Variants in CRISPLD2 observed in about 807,000 individuals in gnomAD.
The protein encoded by CRISPLD2 is cysteine rich secretory protein LCCL domain containing 2.
CRISPLD2 carries 47 observed loss-of-function variants against 71.1 expected under a neutral mutation model. The observed-to-expected ratio is 0.66, with a 90% confidence interval of 0.52 to 0.84. The LOEUF (loss-of-function observed/expected upper bound fraction) is 0.84, where lower values mean the gene tolerates loss of function less well. CRISPLD2 is among the 40% of genes least tolerant of loss of function. The pLI, the probability that CRISPLD2 is intolerant of heterozygous loss-of-function variation, is 0.00. For missense variants in CRISPLD2, 830 were observed against 651.1 expected (o/e 1.27, Z -2.99); for synonymous variants, 317 against 250.1 (o/e 1.27, Z -2.52).
intron 1 of CRISPLD2, among the ~76,000 whole-genome samples, chr16:84,830,136 A>G (rs1369162277): frequency 6.6e-6 from 1 of 152,052 alleles, no homozygotes; most frequent in Non-Finnish European, 1.5e-5. Context: ...TGGCCTGGGC[A>G]ACATAGTGAA....
chr16:84,869,379 T>C (rs1312594135), intron 8 of CRISPLD2, among the ~76,000 whole-genome samples: 1 of 152,236 alleles, frequency 6.6e-6, no homozygotes, highest in Non-Finnish European at 1.5e-5. Flanking sequence ...GAGGGGACCT[T>C]GCTCGTCTTC....
At chr16:84,883,263 T>C (rs1028307263) in intron 13 of CRISPLD2, among the ~76,000 whole-genome samples, 12 of 152,160 alleles carry the variant, frequency 7.9e-5, no homozygotes, top group African/African-American at 2.9e-4. Flanking sequence ...AATGTCTATT[T>C]AGCTAAGAGA....
chr16:84,884,241 C>T (rs567851509), intron 13 of CRISPLD2, among the ~76,000 whole-genome samples: 1 of 152,234 alleles, frequency 6.6e-6, no homozygotes, highest in Non-Finnish European at 1.5e-5. Context: ...AGTCCCGCCT[C>T]TGATCTTTAT....
chr16:84,852,160 C>T (rs973174063), intron 5 of CRISPLD2, among the ~76,000 whole-genome samples: 1 of 152,242 alleles, frequency 6.6e-6, no homozygotes, highest in African/African-American at 2.4e-5. Flanking sequence ...GTCAGGACTT[C>T]ACCTGTTGAC....
At chr16:84,828,083 C>T (rs1206917595) in intron 1 of CRISPLD2, among the ~76,000 whole-genome samples, 1 of 152,190 alleles carries the variant, frequency 6.6e-6, no homozygotes, top group East Asian at 1.9e-4. Context: ...ATCCCAAGGA[C>T]TCCTGGGATT....
chr16:84,868,902 C>A lies in CRISPLD2; in HGVS notation c.905C>A (p.Thr302Lys). 1 of 1,606,768 alleles carries A rather than the reference C, an allele frequency of 6.2e-7. No individual in the cohort carries two copies. Among genetic ancestry groups the A allele is most frequent in the Non-Finnish European group, 8.5e-7 (1 of 1,176,890 alleles). Residue 302 changes from threonine (T) to lysine (K), a missense_variant, in exon 8 of 15, where the codon ACG becomes AAG. Transcript: ENST00000262424. ...ATGAAGGACAGGTGCAAAGGGTCCA[C>A]GTGTAACAGGTGAGCCTGTGCTGGG... ...TKMKDRCKGS[T>K]CNRYQCPAGC...
intron 11 of CRISPLD2, 94 bp downstream of exon 11, chr16:84,874,057 A>C: frequency 1.8e-6 from 2 of 1,142,588 alleles, no homozygotes; most frequent in Non-Finnish European, 2.6e-6. Context: ...TTTAATGTTT[A>C]TCATGCGTGT....
chr16:84,897,308 C>T (rs953497724), intron 14 of CRISPLD2, among the ~76,000 whole-genome samples: 13 of 143,838 alleles, frequency 9.0e-5, no homozygotes, highest in African/African-American at 2.0e-4. Context: ...AAAAAAAAGC[C>T]GGGCATGGTG....
intron 6 of CRISPLD2, among the ~76,000 whole-genome samples, chr16:84,862,082 C>T (rs1917399152): frequency 6.6e-6 from 1 of 152,166 alleles, no homozygotes; most frequent in South Asian, 2.1e-4. Flanking sequence ...TGTCCTTGCC[C>T]CCATTGGCCT....
intron 14 of CRISPLD2, among the ~76,000 whole-genome samples, chr16:84,905,328 T>TA (rs2071791709): frequency 6.6e-6 from 1 of 152,154 alleles, no homozygotes; most frequent in South Asian, 2.1e-4. Flanking sequence ...ATAAAATCTC[T>TA]AAAAACCATT....
At chr16:84,871,950 C>T (rs1365355872) in intron 8 of CRISPLD2, among the ~76,000 whole-genome samples, 1 of 150,140 alleles carries the variant, frequency 6.7e-6, no homozygotes, top group Non-Finnish European at 1.5e-5. Context: ...TCTGATTCAA[C>T]CAACCTCAAA....
At chr16:84,856,669 T>C (rs1355975217) in intron 6 of CRISPLD2, among the ~76,000 whole-genome samples, 1 of 152,192 alleles carries the variant, frequency 6.6e-6, no homozygotes, top group Non-Finnish European at 1.5e-5. Flanking sequence ...AGGGCATACA[T>C]GGCCTTCTGG....
At chr16:84,890,124 C>T (rs374091777) in intron 14 of CRISPLD2, among the ~76,000 whole-genome samples, 7 of 151,368 alleles carry the variant, frequency 4.6e-5, no homozygotes, top group African/African-American at 1.7e-4. Context: ...TTTGGGAGGC[C>T]GAGGCAGGCA....
At chr16:84,825,271 G>A (rs76805623) in intron 1 of CRISPLD2, among the ~76,000 whole-genome samples, 1 of 150,142 alleles carries the variant, frequency 6.7e-6, no homozygotes, top group Non-Finnish European at 1.5e-5. Flanking sequence ...TTCTCAGAGT[G>A]GGGGCCAGCA....
intron 14 of CRISPLD2, among the ~76,000 whole-genome samples, chr16:84,892,278 G>A (rs923627179): frequency 6.6e-5 from 10 of 152,216 alleles, no homozygotes; most frequent in Non-Finnish European, 1.5e-4. Flanking sequence ...CCAGCAGCCT[G>A]CGTCTGAGCA....
intron 13 of CRISPLD2, among the ~76,000 whole-genome samples, chr16:84,885,987 G>A (rs2071609750): frequency 6.6e-6 from 1 of 151,784 alleles, no homozygotes; most frequent in Non-Finnish European, 1.5e-5. Context: ...TCTGACTAAC[G>A]TTTTTAAATT....
chr16:84,846,207 C>A (rs1455543627), intron 3 of CRISPLD2: 1 of 247,982 alleles, frequency 4.0e-6, no homozygotes, highest in East Asian at 8.7e-5. Context: ...TCCTCCCTCC[C>A]TTCCTCCCTC....
rs923796142 is a variant in CRISPLD2 at position 84,871,554 on chromosome 16, TGTTTGTTG to T, written c.915-879_915-872del. On this transcript the variant is annotated intron_variant, in intron 8 of 14. Coordinates refer to ENST00000262424, the MANE Select transcript of CRISPLD2 (RefSeq NM_031476.4). ...ACTCTTTCTTGGGGTTTTGTTTGTT[TGTTTGTTG>T]GTTTGTTGAGACTGAGTCTTGCTCT... Among the ~76,000 whole-genome samples the T allele has an allele frequency of 7.9e-5, 12 of 152,188 alleles. No individual in the cohort carries two copies. In the South Asian group the frequency reaches 1.4e-3, roughly 18 times the overall value.
chr16:84,896,847 A>G (rs1326627747), intron 14 of CRISPLD2, among the ~76,000 whole-genome samples: 1 of 152,214 alleles, frequency 6.6e-6, no homozygotes, highest in African/African-American at 2.4e-5. Context: ...TAAAAGCCAG[A>G]AGACTAAGCA....
Sources: allele counts gnomAD v4.1 joint callset (sites outside exome capture counted in the v4.1 genomes callset), GRCh38; gene constraint gnomAD v4.1.1; transcripts MANE v1.5; gene names NCBI Gene and HGNC (gene_info 2026-07-23, HGNC 2026-07-21).